The following TLR1 variants were observed in gnomAD, a reference collection of about 807,000 sequenced individuals.
TLR1 encodes the protein toll like receptor 1.
TLR1 carries 19 observed loss-of-function variants against 20.2 expected under a neutral mutation model. The observed-to-expected ratio is 0.94, with a 90% confidence interval of 0.66 to 1.38. TLR1 has a LOEUF of 1.38. TLR1 is among the 40% of genes most tolerant of loss of function. The pLI, the probability that TLR1 is intolerant of heterozygous loss-of-function variation, is 0.00. For missense variants in TLR1, 921 were observed against 910.0 expected (o/e 1.01, Z -0.16); for synonymous variants, 320 against 334.5 (o/e 0.96, Z 0.47).
In TLR1 at chr4:38,798,902, G is replaced by A; in HGVS notation, c.-67-4C>T. 4.3e-6 allele frequency: 5 copies of A among 1,154,680 alleles called. No homozygotes were observed. Among genetic ancestry groups the A allele is most frequent in the Non-Finnish European group, 6.0e-6 (5 of 833,738 alleles). 71.5% of individuals were successfully genotyped at this position (1,154,680 alleles called of 1,614,324 possible). ...CATCTTGATACAGATACAGATTCTA[G>A]AAAAAAAATAATGAAATGATGAAAT... On this transcript the variant is annotated splice_polypyrimidine_tract_variant and splice_region_variant and intron_variant, in intron 3 of 3. Coordinates refer to ENST00000308979, the MANE Select transcript of TLR1 (RefSeq NM_003263.4).
Position 38,801,508 on chromosome 4 carries a change from G to A in TLR1, c.-159-560C>T, listed in dbSNP as rs1042683146. ...CCCTGGGGCAGTGCCAAGCTAGGTC[G>A]AAGCAAAAGTGGCCTGGTCTTAAGG... is the stretch of plus-strand genomic sequence containing the variant. On this transcript the variant is annotated intron_variant, in intron 2 of 3. Transcript: ENST00000308979. Among the ~76,000 whole-genome samples the A allele has an allele frequency of 1.4e-4, 22 of 152,330 alleles. No individual in the cohort carries two copies. In the South Asian group the frequency reaches 1.4e-3, roughly 10 times the overall value.
At chr4:38,792,940 A>G (rs903969525), downstream of TLR1, among the ~76,000 whole-genome samples, 1 of 150,750 alleles carries the variant, frequency 6.6e-6, no homozygotes, top group Non-Finnish European at 1.5e-5. Context: ...CAGTCTCGCT[A>G]GTATAGCAGG....
chr4:38,794,160 A>C (rs1179211516), downstream of TLR1, among the ~76,000 whole-genome samples: 1 of 152,240 alleles, frequency 6.6e-6, no homozygotes, highest in Non-Finnish European at 1.5e-5. Flanking sequence ...TTGAAAACGA[A>C]TACATAACTG....
downstream of TLR1, among the ~76,000 whole-genome samples, chr4:38,795,957 C>A (rs1166275501): frequency 1.3e-5 from 2 of 152,194 alleles, no homozygotes; most frequent in Non-Finnish European, 2.9e-5. Context: ...CACTTCTGAA[C>A]TGCCCTTTGT....
downstream of TLR1, among the ~76,000 whole-genome samples, chr4:38,789,477 T>A (rs955008071): frequency 6.6e-6 from 1 of 151,258 alleles, no homozygotes; most frequent in Non-Finnish European, 1.5e-5. Context: ...TTTTTTTTCT[T>A]TTTCTTTTCT....
At chr4:38,791,314 G>A (rs1725713403), downstream of TLR1, 3 of 152,046 alleles carry the variant, frequency 2.0e-5, no homozygotes, top group South Asian at 6.2e-4. Flanking sequence ...GAAATCTTGG[G>A]GACACTTGGG....
At chr4:38,791,310 T>G (rs1246073897), downstream of TLR1, 1 of 152,202 alleles carries the variant, frequency 6.6e-6, no homozygotes, top group Non-Finnish European at 1.5e-5. Context: ...ATGAGAAATC[T>G]TGGGGACACT....
downstream of TLR1, among the ~76,000 whole-genome samples, chr4:38,787,701 T>G (rs1725636099): frequency 6.6e-6 from 1 of 152,234 alleles, no homozygotes; most frequent in Admixed American, 6.5e-5. Flanking sequence ...CTTTGAAATT[T>G]GGTGTGTGTT....
rs770115894 is a variant in TLR1, at chr4:38,797,178, C to A, written c.1654G>T (p.Asp552Tyr). ...TCCGGGTAGTCACACTTATAAGAAT[C>A]AGGCCAGCCCTCTAACACTTCACTT... ...VSSEVLEGWPDSYKCDYPESY... is the reference protein window; with the variant it reads ...VSSEVLEGWPYSYKCDYPESY... The change falls in exon 4 of 4, where the codon GAT (aspartate) becomes TAT (tyrosine). Residue 552 changes from aspartate to tyrosine, a missense_variant. Coordinates refer to ENST00000308979, the MANE Select transcript of TLR1 (RefSeq NM_003263.4). 4 of 1,614,242 alleles carry A rather than the reference C, an allele frequency of 2.5e-6. No individual in the cohort carries two copies. In the South Asian group the frequency reaches 4.4e-5, roughly 18 times the overall value.
chr4:38,791,032 G>A (rs1725704369), exon 4 of TLR1: 1 of 152,348 alleles, frequency 6.6e-6, no homozygotes, highest in East Asian at 1.9e-4. Context: ...ACGGGTGGGT[G>A]TTTATCTGGG....
Position 38,796,439 on chromosome 4 carries a change from A to G in TLR1, c.*32T>C. 1.3e-6 allele frequency: 2 copies of G among 1,590,658 alleles called. No homozygotes were observed. Among genetic ancestry groups the G allele is most frequent in the Non-Finnish European group, 1.7e-6 (2 of 1,164,612 alleles). On this transcript the variant is annotated 3_prime_UTR_variant, in exon 4 of 4. Coordinates refer to ENST00000308979, the MANE Select transcript of TLR1 (RefSeq NM_003263.4). Reference sequence around the variant, plus strand: ...GGAACTTCCAAAAGCAGCAATATCAACAGGAGGAATATTTTTCACTTGATG... The same window carrying G: ...GGAACTTCCAAAAGCAGCAATATCAGCAGGAGGAATATTTTTCACTTGATG...
At chr4:38,793,554 A>G (rs1206046032), downstream of TLR1, among the ~76,000 whole-genome samples, 2 of 152,142 alleles carry the variant, frequency 1.3e-5, no homozygotes, top group Non-Finnish European at 2.9e-5. Flanking sequence ...CTTTGGCAGG[A>G]GACTCCACCA....
intron 3 of TLR1, 152 bp downstream of exon 3, chr4:38,800,705 G>A (rs1272512354): frequency 1.3e-5 from 2 of 152,614 alleles, no homozygotes; most frequent in Non-Finnish European, 2.9e-5. Flanking sequence ...TATCAGCAAA[G>A]CACCAAATTC....
At chr4:38,795,149 A>C (rs1725954056), downstream of TLR1, among the ~76,000 whole-genome samples, 1 of 152,190 alleles carries the variant, frequency 6.6e-6, no homozygotes, top group African/African-American at 2.4e-5. Flanking sequence ...AGAAGAAAGG[A>C]GCATGTATAT....
intron 2 of TLR1, among the ~76,000 whole-genome samples, chr4:38,803,209 G>A (rs1281584861): frequency 1.3e-5 from 2 of 152,138 alleles, no homozygotes; most frequent in Non-Finnish European, 2.9e-5. Flanking sequence ...ACCTGCCTAC[G>A]GCCCCCTGAG....
At chr4:38,805,584 T>TG (rs1726961034), upstream of TLR1, 1 of 152,194 alleles carries the variant, frequency 6.6e-6, no homozygotes, top group Admixed American at 6.5e-5. Context: ...GCTATGGGAT[T>TG]CCAGCTGACT....
chr4:38,787,598 T>A (rs879663195), downstream of TLR1, among the ~76,000 whole-genome samples: 3 of 152,240 alleles, frequency 2.0e-5, no homozygotes, highest in South Asian at 2.1e-4. Context: ...ATAATATATT[T>A]TATATAATTC....
In TLR1 at chr4:38,796,996, C is replaced by T. The variant is rs1393111965; in HGVS notation, c.1836G>A (p.Met612Ile). 2 of 1,614,070 alleles carry T rather than the reference C, an allele frequency of 1.2e-6. No individual in the cohort carries two copies. Among genetic ancestry groups the T allele is most frequent in the Non-Finnish European group, 1.7e-6 (2 of 1,180,036 alleles). ...GCCGGGTCTGGGTCCACTGGCACAC[C>T]ATCCTGAGATACCAGGGCAGATCCA... ...SYLDLPWYLR[M>I]VCQWTQTRRR... Residue 612 changes from methionine to isoleucine, a missense_variant, in exon 4 of 4, where the codon ATG (methionine) becomes ATA (isoleucine). Met to Ile is a conservative substitution (Grantham distance 10, BLOSUM62 1). Coordinates refer to ENST00000308979, the MANE Select transcript of TLR1 (RefSeq NM_003263.4).
intron 3 of TLR1, among the ~76,000 whole-genome samples, chr4:38,800,271 G>A (rs1410339999): frequency 6.6e-6 from 1 of 152,140 alleles, no homozygotes; most frequent in Non-Finnish European, 1.5e-5. Flanking sequence ...GAAGATGAGA[G>A]GAGTTAGGGC....
Sources: allele counts gnomAD v4.1 joint callset (sites outside exome capture counted in the v4.1 genomes callset), GRCh38; gene constraint gnomAD v4.1.1; transcripts MANE v1.5; gene names NCBI Gene and HGNC (gene_info 2026-07-23, HGNC 2026-07-21).